Variants in BANK1 observed in about 807,000 individuals in gnomAD.
BANK1 encodes B-cell scaffold protein with ankyrin repeats.
A neutral mutation model predicts 94.5 loss-of-function variants in BANK1; 95 were observed. The ratio of observed to expected loss-of-function variants is 1.00; its 90% CI spans 0.85 to 1.19. The LOEUF (loss-of-function observed/expected upper bound fraction) is 1.19, where lower values mean the gene tolerates loss of function less well. BANK1 is among the 50% of genes most tolerant of loss of function. The pLI is 0.00. For missense variants in BANK1, 987 were observed against 932.2 expected (o/e 1.06, Z -0.77); for synonymous variants, 334 against 308.4 (o/e 1.08, Z -0.87).
At chr4:101,958,085 A>T (rs1484951395) in intron 7 of BANK1, among the ~76,000 whole-genome samples, 2 of 151,818 alleles carry the variant, frequency 1.3e-5, no homozygotes, top group Admixed American at 1.3e-4. Flanking sequence ...TGACCCCGTG[A>T]TCTGCCCACC....
chr4:102,049,638 CCAGGAATGT>C (rs1165794355), intron 11 of BANK1, among the ~76,000 whole-genome samples: 1 of 152,070 alleles, frequency 6.6e-6, no homozygotes, highest in Non-Finnish European at 1.5e-5. Flanking sequence ...GGCCACCCAC[CCAGGAATGT>C]CAGACGACCA....
At chr4:102,060,001 G>C (rs1037182782) in intron 11 of BANK1, among the ~76,000 whole-genome samples, 1 of 152,126 alleles carries the variant, frequency 6.6e-6, no homozygotes, top group African/African-American at 2.4e-5. Flanking sequence ...TTCTGTCTTA[G>C]TAATGAGACA....
At chr4:102,055,876 A>G (rs1728211586) in intron 11 of BANK1, among the ~76,000 whole-genome samples, 2 of 152,092 alleles carry the variant, frequency 1.3e-5, no homozygotes, top group Admixed American at 1.3e-4. Context: ...AGGGAGAGAG[A>G]TGACAGTTTG....
chr4:102,072,494 A>G (rs928757924), intron 15 of BANK1, 94 bp downstream of exon 15: 35 of 929,230 alleles, frequency 3.8e-5, no homozygotes, highest in Non-Finnish European at 5.6e-5. Flanking sequence ...ATGCTTTTAG[A>G]CATTCTAACA....
At chr4:101,883,740 G>A (rs1034901098) in intron 5 of BANK1, among the ~76,000 whole-genome samples, 2 of 152,102 alleles carry the variant, frequency 1.3e-5, no homozygotes, top group African/African-American at 4.8e-5. Context: ...TAAACAAGAA[G>A]AAACGTTTTA....
chr4:101,962,526 G>GT (rs1724606014), intron 7 of BANK1, among the ~76,000 whole-genome samples: 1 of 152,044 alleles, frequency 6.6e-6, no homozygotes, highest in Non-Finnish European at 1.5e-5. Context: ...AAATTCATCA[G>GT]TCTGTTCTAT....
chr4:101,906,638 C>G (rs946146306), intron 6 of BANK1, among the ~76,000 whole-genome samples: 1 of 152,176 alleles, frequency 6.6e-6, no homozygotes, highest in Non-Finnish European at 1.5e-5. Context: ...TTGCTATACT[C>G]TCATTCCTCC....
intron 5 of BANK1, among the ~76,000 whole-genome samples, chr4:101,877,402 G>T (rs1403274365): frequency 1.3e-5 from 2 of 152,082 alleles, no homozygotes; most frequent in African/African-American, 2.4e-5. Context: ...CTGTAAGTGT[G>T]GTGTGTAAAC....
At chr4:101,840,154 G>A (rs1236160233) in intron 2 of BANK1, among the ~76,000 whole-genome samples, 2 of 148,714 alleles carry the variant, frequency 1.3e-5, no homozygotes, top group Admixed American at 6.7e-5. Flanking sequence ...ATTTTTAGTA[G>A]AGACGGGGTT....
chr4:101,965,971 T>C (rs1263344180), intron 7 of BANK1, among the ~76,000 whole-genome samples: 2 of 152,128 alleles, frequency 1.3e-5, no homozygotes, highest in Non-Finnish European at 2.9e-5. Flanking sequence ...TGTGGCTTGC[T>C]GCTTAACCAA....
chr4:101,832,887 C>G (rs1726675037), intron 2 of BANK1, among the ~76,000 whole-genome samples: 1 of 150,904 alleles, frequency 6.6e-6, no homozygotes, highest in Non-Finnish European at 1.5e-5. Context: ...TTTCTTTTTC[C>G]CTCCCTTCCT....
chr4:101,943,466 G>C (rs1390445018), intron 7 of BANK1, among the ~76,000 whole-genome samples: 1 of 151,816 alleles, frequency 6.6e-6, no homozygotes, highest in African/African-American at 2.4e-5. Flanking sequence ...AGGACAACAG[G>C]TCATGGTGGG....
intron 6 of BANK1, among the ~76,000 whole-genome samples, chr4:101,909,903 T>C (rs1722603827): frequency 6.6e-6 from 1 of 152,228 alleles, no homozygotes; most frequent in Non-Finnish European, 1.5e-5. Context: ...AAATGTATTT[T>C]AAAATATGTA....
At chr4:102,032,161 GC>G (rs1251062737) in intron 10 of BANK1, 41 of 152,172 alleles carry the variant, frequency 2.7e-4, no homozygotes, top group African/African-American at 9.7e-4. Context: ...AGTGGATATA[GC>G]TTGATACAAA....
At chr4:101,893,568 T>C (rs1721956509) in intron 5 of BANK1, among the ~76,000 whole-genome samples, 1 of 152,080 alleles carries the variant, frequency 6.6e-6, no homozygotes, top group South Asian at 2.1e-4. Context: ...TTTGTATCAC[T>C]AAAACACTTT....
intron 1 of BANK1, among the ~76,000 whole-genome samples, chr4:101,827,356 TTTA>T (rs1349054599): frequency 1.3e-5 from 2 of 151,906 alleles, no homozygotes; most frequent in East Asian, 3.8e-4. Flanking sequence ...TTTTAGATTA[TTTA>T]TTATTGTTTA....
At chr4:101,936,244 A>ATG (rs1294114856) in intron 7 of BANK1, among the ~76,000 whole-genome samples, 3 of 134,314 alleles carry the variant, frequency 2.2e-5, no homozygotes, top group Admixed American at 1.8e-4. Flanking sequence ...ATATGTATAC[A>ATG]TATATGACAC....
intron 7 of BANK1, chr4:101,977,239 A>T (rs1056885127): frequency 6.6e-6 from 1 of 152,138 alleles, no homozygotes; most frequent in Non-Finnish European, 1.5e-5. Context: ...ATCATTACTC[A>T]TATTTCCATG....
At chr4:102,073,962 G>A (rs1728840075) in intron 16 of BANK1, 43 bp from the exon 17 acceptor site, 1 of 395,138 alleles carries the variant, frequency 2.5e-6, no homozygotes, top group Admixed American at 4.4e-5. Flanking sequence ...TTAAATTGAT[G>A]AGCTATTATT....
Sources: gnomAD v4.1 joint callset for allele counts (sites outside exome capture counted in the v4.1 genomes callset) on GRCh38, gnomAD v4.1.1 for gene constraint, MANE v1.5 for transcripts, NCBI Gene and HGNC (gene_info 2026-07-23, HGNC 2026-07-21) for gene names.